The following TENM3 variants were observed in gnomAD, a reference collection of about 807,000 sequenced individuals.
The protein encoded by TENM3 is teneurin transmembrane protein 3.
TENM3 carries 63 observed loss-of-function variants against 255.1 expected under a neutral mutation model. The observed-to-expected ratio is 0.25, with a 90% CI of 0.20 to 0.30. TENM3 has a LOEUF of 0.30. Ranked by LOEUF, TENM3 falls within the 10% of genes least tolerant of loss-of-function variation. The pLI is 1.00. For synonymous variants in TENM3, 1,306 were observed against 1,322.3 expected (o/e 0.99, Z 0.27); for missense variants, 2,929 against 3,461.1 (o/e 0.85, Z 3.86).
chr4:182,568,870 C>A (rs1744062295), intron 3 of TENM3, among the ~76,000 whole-genome samples: 3 of 152,146 alleles, frequency 2.0e-5, no homozygotes, highest in Admixed American at 6.5e-5. Context: ...CAAAAGTGGC[C>A]AGGCACAAAC....
At chr4:181,860,690 CATAAT>C in the TENM3 span, among the ~76,000 whole-genome samples, 3 of 152,122 alleles carry the variant, frequency 2.0e-5, no homozygotes, top group South Asian at 2.1e-4. Flanking sequence ...AATTTTCACA[CATAAT>C]ATAATATTTC....
intron 1 of TENM3, among the ~76,000 whole-genome samples, chr4:182,155,988 G>T (rs1750674681): frequency 6.8e-6 from 1 of 146,316 alleles, no homozygotes. Flanking sequence ...TCTAATCTTT[G>T]CTGTCTCCAC....
rs1013288734 is a variant in TENM3 at position 182,765,702 on chromosome 4, C to T, written c.4893-7770C>T. On this transcript the variant is annotated intron_variant, in intron 22 of 27. Transcript: ENST00000511685. Reference sequence around the variant, plus strand: ...ACCTGGGTTCCGGTCGCGATTGTGTCGCTTACTCCTAACTGCATGACTGTG... The same window carrying T: ...ACCTGGGTTCCGGTCGCGATTGTGTTGCTTACTCCTAACTGCATGACTGTG... Among the ~76,000 whole-genome samples the T allele has an allele frequency of 9.9e-5, 15 of 152,150 alleles. No individual in the cohort carries two copies. In the East Asian group the frequency reaches 1.9e-3, roughly 20 times the overall value.
At chr4:181,876,205 G>A in the TENM3 span, among the ~76,000 whole-genome samples, 1 of 152,178 alleles carries the variant, frequency 6.6e-6, no homozygotes, top group South Asian at 2.1e-4. Context: ...ATCATATTGA[G>A]GATAGTAATA....
At chr4:182,477,518 G>C (rs191049690) in intron 3 of TENM3, among the ~76,000 whole-genome samples, 228 of 152,124 alleles carry the variant, frequency 1.5e-3, no homozygotes, top group Non-Finnish European at 2.7e-3. Flanking sequence ...TTTCAGAATG[G>C]GTCTGCATAG....
chr4:181,809,778 A>G, the TENM3 span, among the ~76,000 whole-genome samples: 1 of 152,128 alleles, frequency 6.6e-6, no homozygotes, highest in African/African-American at 2.4e-5. Flanking sequence ...GGTCCTTATA[A>G]GCAGGAAGCA....
At chr4:181,914,080 T>A in the TENM3 span, among the ~76,000 whole-genome samples, 1 of 152,198 alleles carries the variant, frequency 6.6e-6, no homozygotes, top group Non-Finnish European at 1.5e-5. Flanking sequence ...TCCTTCTTTC[T>A]ACCCAAAGTT....
chr4:182,065,093 G>A, the TENM3 span, among the ~76,000 whole-genome samples: 1 of 150,404 alleles, frequency 6.6e-6, no homozygotes, highest in African/African-American at 2.5e-5. Flanking sequence ...GGAGTGCAGT[G>A]GTGCAATCTC....
chr4:181,700,667 A>T, the TENM3 span, among the ~76,000 whole-genome samples: 32 of 152,200 alleles, frequency 2.1e-4, no homozygotes, highest in Non-Finnish European at 4.1e-4. Context: ...TGCTGCAAAA[A>T]TGATGAGCCA....
At chr4:182,614,372 T>A (rs1047097743) in intron 4 of TENM3, among the ~76,000 whole-genome samples, 1 of 152,148 alleles carries the variant, frequency 6.6e-6, no homozygotes, top group Admixed American at 6.5e-5. Flanking sequence ...AAAATTCACA[T>A]ACATAGACAT....
the TENM3 span, among the ~76,000 whole-genome samples, chr4:182,086,811 T>C: frequency 9.6e-3 from 1,455 of 152,292 alleles, 21 homozygotes; most frequent in African/African-American, 0.033. Context: ...ATGATGGCTC[T>C]GGGGAACGTA....
intron 1 of TENM3, among the ~76,000 whole-genome samples, chr4:182,209,301 G>A (rs1754818429): frequency 6.8e-6 from 1 of 147,874 alleles, no homozygotes; most frequent in African/African-American, 2.5e-5. Flanking sequence ...AAAAAAAATC[G>A]TTGTTTTGAC....
At chr4:182,181,336 T>A (rs545504725) in intron 1 of TENM3, among the ~76,000 whole-genome samples, 1 of 152,312 alleles carries the variant, frequency 6.6e-6, no homozygotes, top group Non-Finnish European at 1.5e-5. Flanking sequence ...TGAGTATGAA[T>A]GAGAACGGTC....
chr4:181,465,924 A>T, the TENM3 span, among the ~76,000 whole-genome samples: 105,123 of 151,856 alleles, frequency 0.69, 36,851 homozygotes, highest in Non-Finnish European at 0.74. Context: ...TCCTTGGGAA[A>T]TAACCTTTTC....
chr4:181,687,214 A>T, the TENM3 span, among the ~76,000 whole-genome samples: 327 of 152,322 alleles, frequency 2.1e-3, no homozygotes, highest in Admixed American at 4.8e-3. Context: ...TACATGTGTT[A>T]GTAGAAAGAC....
intron 3 of TENM3, among the ~76,000 whole-genome samples, chr4:182,544,323 A>ATTTTTTTT (rs35639483): frequency 2.9e-5 from 2 of 69,286 alleles, no homozygotes; most frequent in Non-Finnish European, 5.3e-5. Flanking sequence ...AGCATTGTGG[A>ATTTTTTTT]TTTTTTTTTT....
chr4:181,516,804 T>C, the TENM3 span, among the ~76,000 whole-genome samples: 311 of 152,198 alleles, frequency 2.0e-3, no homozygotes, highest in African/African-American at 7.2e-3. Flanking sequence ...CTAATATTTA[T>C]GAGCCTTTTA....
chr4:181,861,808 G>T, the TENM3 span, among the ~76,000 whole-genome samples: 2 of 151,984 alleles, frequency 1.3e-5, no homozygotes, highest in Non-Finnish European at 2.9e-5. Context: ...ACGTACCCCA[G>T]TTATTTTAAG....
intron 4 of TENM3, among the ~76,000 whole-genome samples, chr4:182,617,503 G>C (rs890759743): frequency 6.6e-6 from 1 of 152,138 alleles, no homozygotes; most frequent in African/African-American, 2.4e-5. Context: ...GTTTGATGTT[G>C]AGGAAATCTT....
Sources: gnomAD v4.1 joint callset for allele counts (sites outside exome capture counted in the v4.1 genomes callset) on GRCh38, gnomAD v4.1.1 for gene constraint, MANE v1.5 for transcripts, NCBI Gene and HGNC (gene_info 2026-07-23, HGNC 2026-07-21) for gene names.